Variants in ABHD12B observed in about 807,000 individuals in gnomAD.
The protein encoded by ABHD12B is abhydrolase domain containing 12B.
A neutral mutation model predicts 50.4 loss-of-function variants in ABHD12B; 42 were observed. The ratio of observed to expected loss-of-function variants is 0.83; its 90% CI spans 0.65 to 1.08. ABHD12B has a LOEUF of 1.08. ABHD12B is among the 50% of genes least tolerant of loss of function. ABHD12B has a pLI of 0.00. For synonymous variants in ABHD12B, 167 were observed against 160.3 expected, an observed-to-expected ratio of 1.04 and a Z score of -0.32; for missense variants, 479 against 447.7, an observed-to-expected ratio of 1.07 and a Z score of -0.63.
intron 9 of ABHD12B, among the ~76,000 whole-genome samples, chr14:50,899,748 C>T (rs1006409810): frequency 5.9e-5 from 9 of 152,110 alleles, no homozygotes; most frequent in African/African-American, 2.2e-4. Flanking sequence ...CATGGCGAAA[C>T]ACCATCTCTA....
chr14:50,903,520 T>C, intron 11 of ABHD12B, 53 bp downstream of exon 11: 1 of 1,495,142 alleles, frequency 6.7e-7, no homozygotes, highest in Non-Finnish European at 9.2e-7. Flanking sequence ...TTTCACCATT[T>C]TTTTCATTCA....
At chr14:50,880,722 A>T in intron 4 of ABHD12B, 151 bp downstream of exon 4, 1 of 911,302 alleles carries the variant, frequency 1.1e-6, no homozygotes, top group Non-Finnish European at 1.5e-6. Flanking sequence ...TGTTCTGGCA[A>T]TAAGCTTCAC....
intron 8 of ABHD12B, among the ~76,000 whole-genome samples, chr14:50,886,947 G>A (rs969234532): frequency 2.0e-5 from 3 of 152,004 alleles, no homozygotes. Context: ...CCGATGTGGT[G>A]GCTCACGCCT....
chr14:50,896,829 A>G (rs1156260006), intron 9 of ABHD12B, among the ~76,000 whole-genome samples: 1 of 152,128 alleles, frequency 6.6e-6, no homozygotes, highest in Non-Finnish European at 1.5e-5. Flanking sequence ...ATAAACAGCC[A>G]TGTTGCTCAC....
intron 9 of ABHD12B, among the ~76,000 whole-genome samples, chr14:50,890,544 C>A (rs1409455561): frequency 6.6e-6 from 1 of 152,036 alleles, no homozygotes; most frequent in East Asian, 1.9e-4. Context: ...TGTCTGTGAA[C>A]TTTATATGAA....
At chr14:50,899,216 C>A (rs1346202785) in intron 9 of ABHD12B, among the ~76,000 whole-genome samples, 2 of 151,974 alleles carry the variant, frequency 1.3e-5, no homozygotes, top group Non-Finnish European at 2.9e-5. Context: ...AAAATAAAAC[C>A]AAAAACCAAG....
intron 5 of ABHD12B, among the ~76,000 whole-genome samples, chr14:50,883,187 C>T (rs1314421862): frequency 6.6e-6 from 1 of 152,180 alleles, no homozygotes; most frequent in Admixed American, 6.5e-5. Flanking sequence ...TGTTTATCCT[C>T]TTCCACCCTC....
At chr14:50,897,762 G>T (rs575561611) in intron 9 of ABHD12B, among the ~76,000 whole-genome samples, 6 of 152,276 alleles carry the variant, frequency 3.9e-5, no homozygotes, top group Non-Finnish European at 8.8e-5. Context: ...TTTTACCAAG[G>T]GGTTGGCGAA....
chr14:50,899,031 A>G (rs12587819), intron 9 of ABHD12B, among the ~76,000 whole-genome samples: 33,262 of 151,998 alleles, frequency 0.22, 4,043 homozygotes, highest in East Asian at 0.45. Context: ...TGTCTCTACT[A>G]AAAATACAAA....
chr14:50,877,464 A>C (rs2142721529), intron 1 of ABHD12B, among the ~76,000 whole-genome samples: 1 of 152,202 alleles, frequency 6.6e-6, no homozygotes, highest in African/African-American at 2.4e-5. Context: ...TGTCCCTGCC[A>C]TGTCCTGGCT....
chr14:50,898,900 A>G (rs1488540341), intron 9 of ABHD12B, among the ~76,000 whole-genome samples: 1 of 152,252 alleles, frequency 6.6e-6, no homozygotes, highest in South Asian at 2.1e-4. Context: ...CCACAGAACC[A>G]AGGAGATTCC....
chr14:50,872,074 G>A lies in ABHD12B; in HGVS notation c.-101G>A, dbSNP rs567360552. The A allele has an allele frequency of 2.9e-4, 252 of 874,812 alleles. No individual in the cohort carries two copies. In the African/African-American group the frequency reaches 4.0e-3, roughly 14 times the overall value. The allele number at this position is 874,812 out of a possible 1,614,324, so 54.2% of individuals were successfully genotyped here. On this transcript the variant is annotated 5_prime_UTR_variant, in exon 1 of 13. Coordinates refer to ENST00000337334, the MANE Select transcript of ABHD12B (RefSeq NM_001206673.2). ...TACCAGCCTGCCTGACCGCGCGGAG[G>A]AGGAGGGCGGGCGCGGTGCCGCCGG... is the stretch of plus-strand genomic sequence containing the variant.
rs139889191 is a variant in ABHD12B at position 50,879,368 on chromosome 14, A to C, written c.335+521A>C. Among the ~76,000 whole-genome samples the C allele has an allele frequency of 6.9e-3, 1,056 of 152,344 alleles. 10 individuals are homozygous for C. Among genetic ancestry groups the C allele is most frequent in the African/African-American group, 0.024 (981 of 41,576 alleles). Reference sequence around the variant, plus strand: ...TAAATGTTTGTGTGATGATTTGGTTAATATTTGTCTTCCTTACAAGACTAT... The same window carrying C: ...TAAATGTTTGTGTGATGATTTGGTTCATATTTGTCTTCCTTACAAGACTAT... On this transcript the variant is annotated intron_variant, in intron 3 of 12. Transcript: ENST00000337334.
Position 50,888,911 on chromosome 14 carries a change from T to G in ABHD12B, c.780+8T>G, listed in dbSNP as rs757437107. 6.2e-7 allele frequency: 1 copy of G among 1,612,104 alleles called. No homozygotes were observed. Among genetic ancestry groups the G allele is most frequent in the South Asian group, 1.1e-5 (1 of 90,988 alleles). On this transcript the variant is annotated splice_region_variant and intron_variant, in intron 9 of 12. Transcript: ENST00000337334. ...AATTATCCCTTGTTAAAGGTGAGAC[T>G]CTGATTCATCTTTACAAGGGATCAA...
intron 11 of ABHD12B, 59 bp downstream of exon 11, chr14:50,903,526 A>G: frequency 6.9e-7 from 1 of 1,456,038 alleles, no homozygotes; most frequent in East Asian, 2.3e-5. Flanking sequence ...CATTTTTTTC[A>G]TTCAGCCAAA....
intron 9 of ABHD12B, chr14:50,891,009 A>G (rs2050109884): frequency 1.3e-5 from 2 of 152,152 alleles, no homozygotes; most frequent in African/African-American, 4.8e-5. Flanking sequence ...TTTCCCTTAT[A>G]ACCAGTGAGG....
At chr14:50,896,047 T>C (rs1016469394) in intron 9 of ABHD12B, among the ~76,000 whole-genome samples, 2 of 152,122 alleles carry the variant, frequency 1.3e-5, no homozygotes, top group African/African-American at 2.4e-5. Flanking sequence ...CCTCCTCTTG[T>C]ATCCCCCGAC....
chr14:50,903,538 T>C (rs2050291181), intron 11 of ABHD12B, 71 bp downstream of exon 11: 1 of 1,339,344 alleles, frequency 7.5e-7, no homozygotes, highest in South Asian at 1.3e-5. Flanking sequence ...TCAGCCAAAC[T>C]TTGATTAGAG....
intron 11 of ABHD12B, 127 bp downstream of exon 11, chr14:50,903,594 A>G: frequency 1.5e-6 from 1 of 668,328 alleles, no homozygotes; most frequent in South Asian, 2.1e-5. Context: ...CTACACCCCT[A>G]AATAGCCTCT....
Sources: gnomAD v4.1 joint callset for allele counts (sites outside exome capture counted in the v4.1 genomes callset) on GRCh38, gnomAD v4.1.1 for gene constraint, MANE v1.5 for transcripts, NCBI Gene and HGNC (gene_info 2026-07-23, HGNC 2026-07-21) for gene names.